Variants in NDST3 observed in about 807,000 individuals in gnomAD.
NDST3 encodes bifunctional heparan sulfate N-deacetylase/N-sulfotransferase 3.
A neutral mutation model predicts 96.1 loss-of-function variants in NDST3; 58 were observed. The ratio of observed to expected loss-of-function variants is 0.60; its 90% CI spans 0.49 to 0.75. The LOEUF (loss-of-function observed/expected upper bound fraction) is 0.75, where lower values mean the gene tolerates loss of function less well. NDST3 is among the 30% of genes least tolerant of loss of function. The probability of loss-of-function intolerance (pLI) is 0.00; values close to 1 mark genes in which losing one functional copy is unlikely to be tolerated. For missense variants in NDST3, 788 were observed against 1,034.2 expected (o/e 0.76, Z 3.27); for synonymous variants, 333 against 359.7 (o/e 0.93, Z 0.84).
At chr4:118,169,586 G>A (rs1183099204) in intron 6 of NDST3, among the ~76,000 whole-genome samples, 2 of 152,078 alleles carry the variant, frequency 1.3e-5, no homozygotes, top group Admixed American at 6.6e-5. Flanking sequence ...CTGAGGTCAG[G>A]AGTTTGAAAC....
intron 2 of NDST3, among the ~76,000 whole-genome samples, chr4:118,092,225 G>GTT (rs11408271): frequency 0.013 from 1,882 of 146,416 alleles, 23 homozygotes; most frequent in South Asian, 0.017. Flanking sequence ...TATTTTCATT[G>GTT]TTTTTTTTTT....
In NDST3 at chr4:118,211,639, A is replaced by G. The variant is rs180791451; in HGVS notation, c.1540-12852A>G. Among the ~76,000 whole-genome samples, 67 of 151,934 alleles carry G rather than the reference A, an allele frequency of 4.4e-4. 1 individual carries two copies. In the East Asian group the frequency reaches 0.012, roughly 27 times the overall value. On this transcript the variant is annotated intron_variant, in intron 6 of 13. Coordinates refer to ENST00000296499, the MANE Select transcript of NDST3 (RefSeq NM_004784.3). ...GACAAGGGTTCAGACTAGAAGGAGC[A>G]CAGGGGTTGGCTCTGGCACTTTCCT... is the stretch of plus-strand genomic sequence containing the variant.
intron 2 of NDST3, among the ~76,000 whole-genome samples, chr4:118,093,346 AC>A (rs1355532902): frequency 6.6e-6 from 1 of 151,952 alleles, no homozygotes; most frequent in African/African-American, 2.4e-5. Context: ...TATCCCAGCA[AC>A]TGACACAAGA....
chr4:118,096,708 TAGAC>T (rs1400292803), intron 2 of NDST3, among the ~76,000 whole-genome samples: 2 of 145,254 alleles, frequency 1.4e-5, no homozygotes. Context: ...GATAGATAGA[TAGAC>T]AGTTAGGCAG....
intron 6 of NDST3, among the ~76,000 whole-genome samples, chr4:118,147,727 G>C (rs1398539611): frequency 3.3e-5 from 5 of 152,090 alleles, no homozygotes; most frequent in Admixed American, 3.3e-4. Context: ...ATGCTGATTG[G>C]AAAAGTTCCG....
At chr4:118,039,871 T>G (rs776388400) in intron 1 of NDST3, among the ~76,000 whole-genome samples, 1 of 152,004 alleles carries the variant, frequency 6.6e-6, no homozygotes, top group African/African-American at 2.4e-5. Flanking sequence ...GCCTGAGAGA[T>G]AAAAGTGGGA....
At chr4:118,218,815 G>A (rs914487382) in intron 6 of NDST3, among the ~76,000 whole-genome samples, 6 of 151,904 alleles carry the variant, frequency 3.9e-5, no homozygotes, top group African/African-American at 9.7e-5. Flanking sequence ...CTCCAAACTC[G>A]TTAAGCTGAT....
intron 6 of NDST3, among the ~76,000 whole-genome samples, chr4:118,154,121 A>C (rs1734584886): frequency 6.6e-6 from 1 of 152,168 alleles, no homozygotes; most frequent in Non-Finnish European, 1.5e-5. Context: ...GCTACACTAA[A>C]AATAATAATA....
intron 8 of NDST3, among the ~76,000 whole-genome samples, chr4:118,227,609 T>A (rs1739978774): frequency 4.4e-5 from 1 of 22,616 alleles, no homozygotes. Flanking sequence ...ACCATAAACT[T>A]TTTTTTTTTT....
At chr4:118,055,001 A>C in intron 2 of NDST3, 110 bp downstream of exon 2, 1 of 1,367,190 alleles carries the variant, frequency 7.3e-7, no homozygotes, top group Non-Finnish European at 1.0e-6. Flanking sequence ...ATTTACTGGG[A>C]AAGTCTGGGC....
chr4:118,053,979 G>C lies in NDST3; in HGVS notation c.69G>C (p.Met23Ile). Residue 23 changes from methionine (M) to isoleucine (I), a missense_variant, in exon 2 of 14, where the codon ATG becomes ATC. Physicochemically the swap from Met to Ile is conservative, Grantham distance 10. Transcript: ENST00000296499. The part of the protein sequence containing the change: ...RTVILLATFC[M>I]VSIIISAYYL... ...TCATTCTGCTTGCCACTTTTTGTATGGTGAGCATTATCATTTCTGCTTACT... is the reference window on the plus strand; with the variant it reads ...TCATTCTGCTTGCCACTTTTTGTATCGTGAGCATTATCATTTCTGCTTACT... 4 of 1,611,814 alleles carry C rather than the reference G, an allele frequency of 2.5e-6. No homozygotes were observed. Among genetic ancestry groups the C allele is most frequent in the Non-Finnish European group, 3.4e-6 (4 of 1,178,786 alleles).
chr4:118,246,175 T>G (rs1441651995), intron 12 of NDST3, among the ~76,000 whole-genome samples: 1 of 152,182 alleles, frequency 6.6e-6, no homozygotes, highest in African/African-American at 2.4e-5. Context: ...CATAAAGATA[T>G]GCAAATTAAA....
At chr4:118,167,598 T>G (rs11944227) in intron 6 of NDST3, among the ~76,000 whole-genome samples, 39,740 of 151,534 alleles carry the variant, frequency 0.26, 6,306 homozygotes, top group African/African-American at 0.44. Context: ...GCCCCAAAAA[T>G]CCAAAACAAT....
At chr4:118,211,705 T>C (rs536065507) in intron 6 of NDST3, among the ~76,000 whole-genome samples, 2 of 152,352 alleles carry the variant, frequency 1.3e-5, no homozygotes, top group African/African-American at 4.8e-5. Context: ...CAGCATTCAC[T>C]ATGAACCATG....
At chr4:118,184,304 T>C (rs1158756192) in intron 6 of NDST3, among the ~76,000 whole-genome samples, 1 of 152,132 alleles carries the variant, frequency 6.6e-6, no homozygotes, top group Admixed American at 6.6e-5. Flanking sequence ...GGTATTTCTT[T>C]AGATGAGATA....
At chr4:118,243,192 C>G (rs1464795807) in intron 12 of NDST3, among the ~76,000 whole-genome samples, 1 of 151,748 alleles carries the variant, frequency 6.6e-6, no homozygotes, top group Admixed American at 6.6e-5. Context: ...TTCCACAGAT[C>G]GAGTAGTTTT....
At chr4:118,039,610 A>T (rs1040890592) in intron 1 of NDST3, among the ~76,000 whole-genome samples, 9 of 152,196 alleles carry the variant, frequency 5.9e-5, no homozygotes, top group African/African-American at 1.2e-4. Flanking sequence ...GTAGAGAGTG[A>T]TGTGAGAATG....
In NDST3 at chr4:118,242,283, C is replaced by T. The variant is rs1007398852; in HGVS notation, c.2399+134C>T. On this transcript the variant is annotated intron_variant, in intron 12 of 13. Transcript: ENST00000296499. ...TTATTTTTCAATTTGACATTAACCA[C>T]GGAAAAAAAAAACATTTCAACAGTG... The T allele has an allele frequency of 7.4e-5, 38 of 511,484 alleles. No individual in the cohort carries two copies. The East Asian group carries it at 9.3e-4, about 12-fold the overall frequency. The allele number at this position is 511,484 out of a possible 1,614,324, so 31.7% of individuals were successfully genotyped here.
At chr4:118,250,316 A>G (rs758750112) in intron 12 of NDST3, among the ~76,000 whole-genome samples, 3 of 152,202 alleles carry the variant, frequency 2.0e-5, no homozygotes, top group Non-Finnish European at 4.4e-5. Flanking sequence ...TATTTGTTCC[A>G]TGTCTTTGCC....
Sources: gnomAD v4.1 joint callset for allele counts (sites outside exome capture counted in the v4.1 genomes callset) on GRCh38, gnomAD v4.1.1 for gene constraint, MANE v1.5 for transcripts, NCBI Gene and HGNC (gene_info 2026-07-23, HGNC 2026-07-21) for gene names.